KLHL29: variants seen among roughly 807,000 people sequenced by gnomAD.
KLHL29 encodes kelch like family member 29.
In KLHL29, 21 loss-of-function variants were observed where a neutral mutation model predicts 80.4. That is an observed-to-expected ratio of 0.26 (90% confidence interval 0.19 to 0.38). The LOEUF is 0.38. KLHL29 is among the 10% of genes least tolerant of loss of function. The probability of loss-of-function intolerance (pLI) is 1.00; values close to 1 mark genes in which losing one functional copy is unlikely to be tolerated. For missense variants in KLHL29, 867 were observed against 1,223.9 expected, an observed-to-expected ratio of 0.71 and a Z score of 4.35; for synonymous variants, 511 against 526.8, an observed-to-expected ratio of 0.97 and a Z score of 0.41.
At chr2:23,599,960 C>T (rs1324713492) in intron 3 of KLHL29, among the ~76,000 whole-genome samples, 1 of 152,206 alleles carries the variant, frequency 6.6e-6, no homozygotes, top group African/African-American at 2.4e-5. Context: ...CCCCCCATCC[C>T]CCTTTTCATT....
chr2:23,607,055 T>C (rs1335816215), intron 3 of KLHL29, among the ~76,000 whole-genome samples: 1 of 152,166 alleles, frequency 6.6e-6, no homozygotes, highest in African/African-American at 2.4e-5. Flanking sequence ...CTAATCCCAT[T>C]GGTGAGGGCC....
intron 3 of KLHL29, among the ~76,000 whole-genome samples, chr2:23,586,735 A>C (rs1668128860): frequency 6.6e-6 from 1 of 152,142 alleles, no homozygotes; most frequent in African/African-American, 2.4e-5. Flanking sequence ...GGGAGGGAGA[A>C]GCCCTTGTGC....
chr2:23,399,740 C>G (rs1666542505), intron 1 of KLHL29, among the ~76,000 whole-genome samples: 1 of 152,176 alleles, frequency 6.6e-6, no homozygotes, highest in Non-Finnish European at 1.5e-5. Context: ...TGGTCAACCC[C>G]CATCTTCTTT....
intron 2 of KLHL29, among the ~76,000 whole-genome samples, chr2:23,502,140 A>G (rs973018457): frequency 3.9e-5 from 6 of 152,106 alleles, no homozygotes; most frequent in African/African-American, 1.2e-4. Context: ...CTAGTCAGCT[A>G]CACAACTCTA....
Position 23,661,708 on chromosome 2 carries a change from C to A in KLHL29, c.940+18858C>A, listed in dbSNP as rs1670414283. On this transcript the variant is annotated intron_variant, in intron 5 of 13. Coordinates refer to ENST00000486442, the MANE Select transcript of KLHL29 (RefSeq NM_052920.2). ...AGAATCTCCAAACCCATGAGCAACC[C>A]CCAGGCCCACTGGGAAGAGGGGAAG... is the stretch of plus-strand genomic sequence containing the variant. Among the ~76,000 whole-genome samples, 3 of 152,246 alleles carry A rather than the reference C, an allele frequency of 2.0e-5. No homozygotes were observed. The South Asian group carries it at 6.2e-4, about 32-fold the overall frequency.
At chr2:23,663,445 G>C (rs1458552122) in intron 5 of KLHL29, among the ~76,000 whole-genome samples, 1 of 152,238 alleles carries the variant, frequency 6.6e-6, no homozygotes, top group African/African-American at 2.4e-5. Flanking sequence ...CACGTGTGCC[G>C]GGGAGGGGAC....
intron 2 of KLHL29, among the ~76,000 whole-genome samples, chr2:23,547,174 G>A (rs1666999612): frequency 6.6e-6 from 1 of 152,214 alleles, no homozygotes; most frequent in African/African-American, 2.4e-5. Flanking sequence ...CCTTGCCCTT[G>A]TGCTCCCAGC....
chr2:23,621,433 G>A (rs1314609366), intron 3 of KLHL29, among the ~76,000 whole-genome samples: 1 of 152,136 alleles, frequency 6.6e-6, no homozygotes, highest in Admixed American at 6.5e-5. Context: ...TGAAACAGCA[G>A]TAACTGCAGT....
intron 3 of KLHL29, among the ~76,000 whole-genome samples, chr2:23,593,535 G>A (rs143013763): frequency 2.4e-4 from 37 of 152,298 alleles, no homozygotes; most frequent in African/African-American, 8.2e-4. Flanking sequence ...ACAGCAGAAT[G>A]TGTATGGGTC....
chr2:23,622,435 A>G (rs1432504125), intron 3 of KLHL29, among the ~76,000 whole-genome samples: 1 of 152,164 alleles, frequency 6.6e-6, no homozygotes. Flanking sequence ...ACCTGACTCC[A>G]CCGATCTGAT....
intron 3 of KLHL29, among the ~76,000 whole-genome samples, chr2:23,635,039 G>A (rs1365337467): frequency 2.0e-5 from 3 of 152,212 alleles, no homozygotes; most frequent in Non-Finnish European, 4.4e-5. Context: ...GAGTAGAGGT[G>A]AGAACAAGCA....
chr2:23,548,814 C>T (rs1458474383), intron 2 of KLHL29, among the ~76,000 whole-genome samples: 1 of 152,226 alleles, frequency 6.6e-6, no homozygotes, highest in South Asian at 2.1e-4. Flanking sequence ...TTTTAAGCGG[C>T]TAAAATAGAA....
chr2:23,393,969 G>C (rs1284118140), intron 1 of KLHL29, among the ~76,000 whole-genome samples: 1 of 152,144 alleles, frequency 6.6e-6, no homozygotes, highest in East Asian at 1.9e-4. Flanking sequence ...TCTTCTTGAG[G>C]CTTCCCCACA....
chr2:23,693,632 C>A (rs1671763193), intron 8 of KLHL29, 104 bp downstream of exon 8: 1 of 1,225,512 alleles, frequency 8.2e-7, no homozygotes, highest in Non-Finnish European at 1.1e-6. Context: ...CCTTGTCCTG[C>A]TCTCCCTAAG....
At chr2:23,624,239 C>G (rs1034955976) in intron 3 of KLHL29, among the ~76,000 whole-genome samples, 1 of 152,146 alleles carries the variant, frequency 6.6e-6, no homozygotes, top group Admixed American at 6.5e-5. Context: ...CTGCCTACCC[C>G]ACCCAGCCCC....
intron 1 of KLHL29, among the ~76,000 whole-genome samples, chr2:23,467,051 C>T (rs1558348721): frequency 2.6e-5 from 4 of 152,166 alleles, no homozygotes; most frequent in Admixed American, 6.5e-5. Context: ...TCTCCTGTCA[C>T]TCAGCCTCTC....
At chr2:23,622,370 C>T (rs1669204073) in intron 3 of KLHL29, among the ~76,000 whole-genome samples, 1 of 152,188 alleles carries the variant, frequency 6.6e-6, no homozygotes, top group Non-Finnish European at 1.5e-5. Flanking sequence ...GATAGGCCAC[C>T]ACCATCCCGC....
At chr2:23,407,883 T>TTGAATG (rs1164419198) in intron 1 of KLHL29, among the ~76,000 whole-genome samples, 2 of 152,158 alleles carry the variant, frequency 1.3e-5, no homozygotes, top group East Asian at 3.8e-4. Context: ...CTACCTCTCA[T>TTGAATG]ACATTAAATT....
chr2:23,530,908 A>G (rs1166739452), intron 2 of KLHL29, among the ~76,000 whole-genome samples: 2 of 152,256 alleles, frequency 1.3e-5, no homozygotes, highest in Non-Finnish European at 2.9e-5. Flanking sequence ...ACCTGAAGCC[A>G]TACACAGAGC....
Sources: allele counts gnomAD v4.1 joint callset (sites outside exome capture counted in the v4.1 genomes callset), GRCh38; gene constraint gnomAD v4.1.1; transcripts MANE v1.5; gene names NCBI Gene and HGNC (gene_info 2026-07-23, HGNC 2026-07-21).